The following ATF7 variants were observed in gnomAD, a reference collection of about 807,000 sequenced individuals.
ATF7 encodes activating transcription factor 7.
In ATF7, 10 loss-of-function variants were observed where a neutral mutation model predicts 50.4. That is an observed-to-expected ratio of 0.20 (90% CI 0.12 to 0.34). The LOEUF (loss-of-function observed/expected upper bound fraction) is 0.34. Ranked by LOEUF, ATF7 falls within the 10% of genes least tolerant of loss-of-function variation. The probability of loss-of-function intolerance (pLI) is 1.00; values close to 1 mark genes in which losing one functional copy is unlikely to be tolerated. For missense variants in ATF7, 465 were observed against 613.9 expected, an observed-to-expected ratio of 0.76 and a Z score of 2.56; for synonymous variants, 201 against 226.4, an observed-to-expected ratio of 0.89 and a Z score of 1.01.
chr12:53,581,915 G>T (rs912460949), intron 2 of ATF7, among the ~76,000 whole-genome samples: 16 of 151,858 alleles, frequency 1.1e-4, no homozygotes, highest in African/African-American at 3.6e-4. Flanking sequence ...TTGAAGCCAG[G>T]AGTTTGAGAC....
chr12:53,615,244 C>A (rs1944071524), intron 1 of ATF7, among the ~76,000 whole-genome samples: 1 of 151,984 alleles, frequency 6.6e-6, no homozygotes, highest in Non-Finnish European at 1.5e-5. Flanking sequence ...ATTGGCCAGG[C>A]ATGGTGGCGG....
chr12:53,579,388 C>T (rs1382062402), intron 2 of ATF7, among the ~76,000 whole-genome samples: 12 of 151,820 alleles, frequency 7.9e-5, no homozygotes. Flanking sequence ...GCCATCTCTA[C>T]TAAAAATACA....
Position 53,524,896 on chromosome 12 carries a change from C to T in ATF7, c.928-135G>A, listed in dbSNP as rs1022696843. 3.5e-5 allele frequency: 29 copies of T among 835,546 alleles called. No individual in the cohort carries two copies. The East Asian group carries it at 7.9e-4, about 23-fold the overall frequency. The allele number at this position is 835,546 out of a possible 1,614,324, so 51.8% of individuals were successfully genotyped here. On this transcript the variant is annotated intron_variant, in intron 9 of 11. Transcript: ENST00000420353. The surrounding 1 kb of genome is among the most constrained non-coding windows in gnomAD (Gnocchi z 4.6). Reference sequence around the variant, plus strand: ...CTGGTAACCACAGCAAGTCTCATTACTATGTCCCCAAGCTTCCCTTTTGTA... The same window carrying T: ...CTGGTAACCACAGCAAGTCTCATTATTATGTCCCCAAGCTTCCCTTTTGTA...
chr12:53,560,897 G>A (rs1319829087), intron 2 of ATF7, among the ~76,000 whole-genome samples: 1 of 151,192 alleles, frequency 6.6e-6, no homozygotes, highest in African/African-American at 2.4e-5. Flanking sequence ...GGACAGAATT[G>A]CTTTCTTTTA....
rs1456342987 is a variant in ATF7 at position 53,524,832 on chromosome 12, G to A, written c.928-71C>T. The A allele has an allele frequency of 1.5e-6, 2 of 1,334,410 alleles. No individual in the cohort carries two copies. The highest frequency in any genetic ancestry group is 2.0e-6 in the Non-Finnish European group (2 of 994,916). The allele number at this position is 1,334,410 out of a possible 1,614,324, so 82.7% of individuals were successfully genotyped here. On this transcript the variant is annotated intron_variant, in intron 9 of 11. Transcript: ENST00000420353. The surrounding 1 kb of genome is among the most constrained non-coding windows in gnomAD (Gnocchi z 4.6). ...CCTTTCCAAATCACACCTGATGTTA[G>A]GTAGAGTAGTAAGATCTGGTAAAAG...
chr12:53,561,436 C>CT (rs1565954859), intron 2 of ATF7, among the ~76,000 whole-genome samples: 1 of 151,190 alleles, frequency 6.6e-6, no homozygotes, highest in Non-Finnish European at 1.5e-5. Flanking sequence ...AATAACTGAT[C>CT]TTTTTTTTGA....
downstream of ATF7, chr12:53,511,942 C>T (rs1295944870): frequency 6.6e-6 from 1 of 152,236 alleles, no homozygotes; most frequent in Non-Finnish European, 1.5e-5. Flanking sequence ...CCTGTTCCTT[C>T]TGTCCTAAGA....
At chr12:53,568,314 G>A (rs905114594) in intron 2 of ATF7, among the ~76,000 whole-genome samples, 3 of 152,072 alleles carry the variant, frequency 2.0e-5, no homozygotes, top group Non-Finnish European at 2.9e-5. Flanking sequence ...AGGAGGGGGA[G>A]AGAACCAATG....
chr12:53,554,960 A>C (rs1447197131), intron 2 of ATF7, among the ~76,000 whole-genome samples: 1 of 151,580 alleles, frequency 6.6e-6, no homozygotes, highest in East Asian at 1.9e-4. Context: ...AAATTTAACC[A>C]AGAACTTTAG....
intron 2 of ATF7, among the ~76,000 whole-genome samples, chr12:53,565,430 G>A (rs1477878029): frequency 7.7e-6 from 1 of 130,468 alleles, no homozygotes; most frequent in African/African-American, 2.9e-5. Context: ...AAACACCATA[G>A]TCAAGCAGAA....
intron 2 of ATF7, among the ~76,000 whole-genome samples, chr12:53,575,096 A>T (rs1941983296): frequency 6.6e-6 from 1 of 151,874 alleles, no homozygotes; most frequent in Non-Finnish European, 1.5e-5. Flanking sequence ...ACATGGTGAA[A>T]CCCCATCTCT....
chr12:53,534,537 G>T lies in ATF7; in HGVS notation c.525C>A (p.Val175=). 1.9e-6 allele frequency: 3 copies of T among 1,613,926 alleles called. No individual in the cohort carries two copies. The highest frequency in any genetic ancestry group is 8.5e-7 in the Non-Finnish European group (1 of 1,179,854). Residue 175 remains valine, a synonymous_variant, in exon 6 of 12, where the codon GTC becomes GTA. Coordinates refer to ENST00000420353, the MANE Select transcript of ATF7 (RefSeq NM_006856.3). ...LHPTLPSPTS[V]ITQAPPSNRQ... ...TGTTGGATGGTGGAGCCTGTGTGAT[G>T]ACAGAGGTTGGGGAGGGAAGGGTTG...
At chr12:53,610,200 T>C (rs1009920890) in intron 1 of ATF7, among the ~76,000 whole-genome samples, 1 of 151,950 alleles carries the variant, frequency 6.6e-6, no homozygotes, top group Admixed American at 6.6e-5. Flanking sequence ...ACAAAATATA[T>C]ATAGACAAAA....
intron 2 of ATF7, among the ~76,000 whole-genome samples, chr12:53,556,880 T>C (rs1940792371): frequency 6.6e-6 from 1 of 152,158 alleles, no homozygotes; most frequent in South Asian, 2.1e-4. Flanking sequence ...TAGGAAACCA[T>C]CCCTCTGAAA....
chr12:53,602,352 G>A (rs1034556244), intron 1 of ATF7, among the ~76,000 whole-genome samples: 3 of 152,152 alleles, frequency 2.0e-5, no homozygotes, highest in African/African-American at 7.2e-5. Flanking sequence ...AAATGTTAAC[G>A]TGCTAGACTG....
intron 5 of ATF7, among the ~76,000 whole-genome samples, chr12:53,535,625 C>A (rs1400288149): frequency 6.6e-6 from 1 of 152,038 alleles, no homozygotes; most frequent in African/African-American, 2.4e-5. Context: ...ATATACTTTT[C>A]TGTACATGTA....
At chr12:53,583,986 GTAT>G (rs908179119) in intron 2 of ATF7, among the ~76,000 whole-genome samples, 1 of 152,070 alleles carries the variant, frequency 6.6e-6, no homozygotes, top group Non-Finnish European at 1.5e-5. Context: ...ATTGTTATTA[GTAT>G]TATTTTTTGA....
intron 2 of ATF7, among the ~76,000 whole-genome samples, chr12:53,561,184 A>G (rs1041575561): frequency 6.6e-6 from 1 of 151,762 alleles, no homozygotes; most frequent in African/African-American, 2.4e-5. Context: ...TCAAGTGATC[A>G]TCCCACCTCA....
chr12:53,552,691 G>T, intron 2 of ATF7, 54 bp from the exon 3 acceptor site: 2 of 1,388,348 alleles, frequency 1.4e-6, no homozygotes, highest in Non-Finnish European at 1.0e-6. Context: ...AACCCGATTC[G>T]GTGCCCTTTT....
Sources: gnomAD v4.1 joint callset for allele counts (sites outside exome capture counted in the v4.1 genomes callset) on GRCh38, gnomAD v4.1.1 for gene constraint, Gnocchi (gnomAD v3.1) non-coding constraint, MANE v1.5 for transcripts, NCBI Gene and HGNC (gene_info 2026-07-23, HGNC 2026-07-21) for gene names.